VWA8: variants seen among roughly 807,000 people sequenced by gnomAD.
VWA8 encodes the protein von Willebrand factor A domain-containing protein 8.
A neutral mutation model predicts 241.5 loss-of-function variants in VWA8; 221 were observed. The ratio of observed to expected loss-of-function variants is 0.91; its 90% confidence interval spans 0.82 to 1.02. The LOEUF (loss-of-function observed/expected upper bound fraction) is 1.02, where lower values mean the gene tolerates loss of function less well. Among genes scored for constraint, VWA8 ranks in the 50% least tolerant of loss-of-function variants. The probability of loss-of-function intolerance (pLI) is 0.00; values close to 1 mark genes in which losing one functional copy is unlikely to be tolerated. For missense variants in VWA8, 2,322 were observed against 2,328.7 expected (o/e 1.00, Z 0.06); for synonymous variants, 852 against 827.1 (o/e 1.03, Z -0.52).
chr13:41,690,165 C>T lies in VWA8; in HGVS notation c.3976+1G>A. The T allele has an allele frequency of 6.2e-7, 1 of 1,610,942 alleles. No homozygotes were observed. The highest frequency in any genetic ancestry group is 8.5e-7 in the Non-Finnish European group (1 of 1,177,814). On this transcript the variant is annotated splice_donor_variant, in intron 33 of 44. Transcript: ENST00000379310. LOFTEE classifies it high-confidence loss of function. ...ATAAACACAGATGACATAGTATTTA[C>T]CTTGTGTAACTCCAAACCCTGTGCT... is the stretch of plus-strand genomic sequence containing the variant.
intron 2 of VWA8, among the ~76,000 whole-genome samples, chr13:41,944,234 A>G (rs918308164): frequency 7.2e-5 from 11 of 152,208 alleles, no homozygotes; most frequent in Admixed American, 7.2e-4. Context: ...AATGGCATAA[A>G]TTGTCAAACT....
chr13:41,793,753 T>C (rs892842587), intron 17 of VWA8, among the ~76,000 whole-genome samples: 2 of 152,108 alleles, frequency 1.3e-5, no homozygotes, highest in East Asian at 1.9e-4. Flanking sequence ...GAGGTGGAGG[T>C]TGCAGTGAGC....
At chr13:41,651,777 T>C (rs1281859746) in intron 37 of VWA8, among the ~76,000 whole-genome samples, 1 of 152,214 alleles carries the variant, frequency 6.6e-6, no homozygotes, top group Non-Finnish European at 1.5e-5. Flanking sequence ...TGCCAGTCCC[T>C]GTTTTAATTG....
intron 28 of VWA8, among the ~76,000 whole-genome samples, chr13:41,700,412 T>G (rs1252060581): frequency 6.6e-6 from 1 of 152,088 alleles, no homozygotes; most frequent in Non-Finnish European, 1.5e-5. Flanking sequence ...TAGGAGACAA[T>G]GCAAACTGTA....
intron 2 of VWA8, among the ~76,000 whole-genome samples, chr13:41,937,070 A>G (rs1877384262): frequency 6.6e-6 from 1 of 152,194 alleles, no homozygotes; most frequent in Non-Finnish European, 1.5e-5. Context: ...TGTCTACAGT[A>G]TTCAGTACAG....
intron 35 of VWA8, among the ~76,000 whole-genome samples, chr13:41,681,497 TA>T (rs1038634729): frequency 5.9e-5 from 9 of 152,078 alleles, no homozygotes; most frequent in Admixed American, 1.3e-4. Flanking sequence ...TTTAAAAACA[TA>T]AAAAAAGCTA....
At chr13:41,844,793 T>C (rs1186689082) in intron 12 of VWA8, among the ~76,000 whole-genome samples, 1 of 127,670 alleles carries the variant, frequency 7.8e-6, no homozygotes, top group Non-Finnish European at 1.7e-5. Flanking sequence ...TTACAATAGC[T>C]GCCAAAAAAA....
intron 2 of VWA8, among the ~76,000 whole-genome samples, chr13:41,921,860 C>T (rs1192553205): frequency 1.3e-5 from 2 of 152,132 alleles, no homozygotes; most frequent in African/African-American, 4.8e-5. Context: ...CCACACTGCC[C>T]AAGGTAATTT....
At position 41,926,197 on chromosome 13, in the gene VWA8, A is replaced by G. The variant is rs1006983140; in HGVS notation, c.242-14029T>C. The G allele has an allele frequency of 4.4e-6, 3 of 677,192 alleles. No individual in the cohort carries two copies. In the African/African-American group the frequency reaches 5.3e-5, roughly 12 times the overall value. The allele number at this position is 677,192 out of a possible 1,614,324, so 41.9% of individuals were successfully genotyped here. A position where few individuals can be genotyped will look rare whatever the true frequency, so the allele number is the denominator to read the frequency against. ...GGTGAGCTGAGCATCATTCCTTATG[A>G]GATCACACTGCTGTCTCCCCACATG... On this transcript the variant is annotated intron_variant, in intron 2 of 44. Coordinates refer to ENST00000379310, the MANE Select transcript of VWA8 (RefSeq NM_015058.2).
chr13:41,624,642 C>G lies in VWA8; in HGVS notation c.4612-9558G>C, dbSNP rs548812408. Among the ~76,000 whole-genome samples, 50 of 152,184 alleles carry G rather than the reference C, an allele frequency of 3.3e-4. No individual in the cohort carries two copies. The South Asian group carries it at 8.7e-3, about 27-fold the overall frequency. On this transcript the variant is annotated intron_variant, in intron 37 of 44. Coordinates refer to ENST00000379310, the MANE Select transcript of VWA8 (RefSeq NM_015058.2). ...TTCAACATCCCTTTATGTTAAAACC[C>G]TTAACAAACTAGGCATTAAAGAAAC...
intron 26 of VWA8, among the ~76,000 whole-genome samples, chr13:41,705,759 G>A (rs2045279114): frequency 6.6e-6 from 1 of 152,114 alleles, no homozygotes; most frequent in South Asian, 2.1e-4. Context: ...ACAGCTTGGG[G>A]AGTCTGTGAG....
At chr13:41,573,619 GGTGT>G (rs149927326) in intron 43 of VWA8, among the ~76,000 whole-genome samples, 1 of 99,338 alleles carries the variant, frequency 1.0e-5, no homozygotes, top group African/African-American at 4.5e-5. Flanking sequence ...GCATATATAT[GGTGT>G]GTGTGTGTGT....
intron 9 of VWA8, among the ~76,000 whole-genome samples, chr13:41,872,622 T>C (rs1330353374): frequency 2.0e-5 from 3 of 152,348 alleles, no homozygotes; most frequent in Non-Finnish European, 2.9e-5. Flanking sequence ...GTTGTAGATA[T>C]ATGGCGTTAT....
Position 41,746,516 on chromosome 13 carries a change from A to G in VWA8, c.2427-14361T>C, listed in dbSNP as rs538359041. Among the ~76,000 whole-genome samples, 15 of 152,296 alleles carry G rather than the reference A, an allele frequency of 9.8e-5. 1 individual carries two copies. The South Asian group carries it at 1.7e-3, about 17-fold the overall frequency. On this transcript the variant is annotated intron_variant, in intron 21 of 44. Transcript: ENST00000379310. The stretch of plus-strand genomic sequence containing the variant: ...ACCACTTGGTGGGTACACTGAAAGA[A>G]AGGATATTACTGAGGTACCCAGCTG...
rs560395165 is a variant in VWA8 at position 41,719,382 on chromosome 13, G to A, written c.3116+209C>T. 21 of 1,393,654 alleles carry A rather than the reference G, an allele frequency of 1.5e-5. No individual in the cohort carries two copies. The East Asian group carries it at 4.6e-4, about 30-fold the overall frequency. The allele number at this position is 1,393,654 out of a possible 1,614,324, so 86.3% of individuals were successfully genotyped here. A position where few individuals can be genotyped will look rare whatever the true frequency, so the allele number is the denominator to read the frequency against. On this transcript the variant is annotated intron_variant, in intron 26 of 44. Coordinates refer to ENST00000379310, the MANE Select transcript of VWA8 (RefSeq NM_015058.2). Reference sequence around the variant, plus strand: ...CTTTATTTATTACATCTACTCATGGGACATACATAATAATCAAAATTTTCA... The same window carrying A: ...CTTTATTTATTACATCTACTCATGGAACATACATAATAATCAAAATTTTCA...
At chr13:41,708,440 T>C (rs959810989) in intron 26 of VWA8, among the ~76,000 whole-genome samples, 3 of 152,318 alleles carry the variant, frequency 2.0e-5, no homozygotes, top group Non-Finnish European at 4.4e-5. Flanking sequence ...CTTTACATAC[T>C]TGAAATTAGT....
At chr13:41,728,409 T>A (rs1490057835) in intron 23 of VWA8, among the ~76,000 whole-genome samples, 1 of 152,052 alleles carries the variant, frequency 6.6e-6, no homozygotes, top group Non-Finnish European at 1.5e-5. Flanking sequence ...GAGCTGCAAG[T>A]GCTCTTGTTC....
intron 12 of VWA8, among the ~76,000 whole-genome samples, chr13:41,837,204 G>A (rs1226211476): frequency 1.3e-5 from 2 of 152,150 alleles, no homozygotes; most frequent in Non-Finnish European, 2.9e-5. Context: ...ACAGGTATGA[G>A]CCACTGCCAA....
chr13:41,923,868 T>G (rs1185269160), intron 2 of VWA8, among the ~76,000 whole-genome samples: 1 of 151,758 alleles, frequency 6.6e-6, no homozygotes, highest in Admixed American at 6.6e-5. Flanking sequence ...ACCAATATCT[T>G]CAGGCCCATC....
Sources: gnomAD v4.1 joint callset for allele counts (sites outside exome capture counted in the v4.1 genomes callset) on GRCh38, gnomAD v4.1.1 for gene constraint, MANE v1.5 for transcripts, NCBI Gene and HGNC (gene_info 2026-07-23, HGNC 2026-07-21) for gene names.